KIAA0408: variants seen among roughly 807,000 people sequenced by gnomAD.
The protein encoded by KIAA0408 is uncharacterized protein KIAA0408.
A neutral mutation model predicts 60.9 loss-of-function variants in KIAA0408; 51 were observed. The observed-to-expected ratio is 0.84, with a 90% confidence interval of 0.67 to 1.06. The LOEUF (loss-of-function observed/expected upper bound fraction) is 1.06, where lower values mean the gene tolerates loss of function less well. Among genes scored for constraint, KIAA0408 ranks in the 50% least tolerant of loss-of-function variants. KIAA0408 has a pLI of 0.00. For missense variants in KIAA0408, 787 were observed against 833.9 expected, an observed-to-expected ratio of 0.94 and a Z score of 0.69; for synonymous variants, 304 against 282.4, an observed-to-expected ratio of 1.08 and a Z score of -0.77.
chr6:127,444,309 T>C (rs775048379), intron 5 of KIAA0408, 27 bp from the exon 6 acceptor site: 3 of 1,537,606 alleles, frequency 2.0e-6, no homozygotes, highest in Non-Finnish European at 2.6e-6. Context: ...AACATTCCTC[T>C]CACTCTCTGG....
In KIAA0408 at chr6:127,444,155, G is replaced by T; in HGVS notation, c.2039C>A (p.Thr680Asn). ...PSAPPALRRT[T>N]HNYTISLRSE... ...TCGCAGAGAAATGGTATAGTTGTGG[G>T]TAGTTCTCCGCAAGGCAGGGGGTGC... The change falls in exon 6 of 6, where the codon ACC becomes AAC. Residue 680 changes from threonine to asparagine, a missense_variant. Physicochemically the swap from Thr to Asn is moderately conservative, Grantham distance 65. Transcript: ENST00000483725. The T allele has an allele frequency of 6.2e-7, 1 of 1,614,044 alleles. No individual in the cohort carries two copies. Among genetic ancestry groups the T allele is most frequent in the Non-Finnish European group, 8.5e-7 (1 of 1,179,974 alleles).
Position 127,446,990 on chromosome 6 carries a change from A to G in KIAA0408, c.1329T>C (p.Asp443=). The part of the protein sequence containing the change: ...TRNEKLAAKT[D]EFNRTVFRTD... The stretch of plus-strand genomic sequence containing the variant: ...TTCTAAATACAGTTCTGTTAAATTC[A>G]TCAGTCTTTGCTGCCAGCTTCTCAT... Residue 443 remains aspartate (D), a synonymous_variant, in exon 5 of 6, where the codon GAT becomes GAC. Transcript: ENST00000483725. 3 of 1,613,908 alleles carry G rather than the reference A, an allele frequency of 1.9e-6. No individual in the cohort carries two copies. Among genetic ancestry groups the G allele is most frequent in the Non-Finnish European group, 2.5e-6 (3 of 1,179,972 alleles).
At position 127,446,912 on chromosome 6, in the gene KIAA0408, C is replaced by T. The variant is rs748560373; in HGVS notation, c.1407G>A (p.Ser469=). The T allele has an allele frequency of 1.5e-5, 24 of 1,613,872 alleles. No individual in the cohort carries two copies. The highest frequency in any genetic ancestry group is 3.3e-5 in the Admixed American group (2 of 59,978). The stretch of plus-strand genomic sequence containing the variant: ...AGGTATCACAGGGCTTGAGATCCTC[C>T]GATGATTTTGAGCAGCTGTGATTTT... ...IQQNHSCSKS[S]EDLKPCDTSS... Residue 469 remains serine, a synonymous_variant, in exon 5 of 6, where the codon TCG becomes TCA. Coordinates refer to ENST00000483725, the MANE Select transcript of KIAA0408 (RefSeq NM_014702.5).
intron 1 of KIAA0408, among the ~76,000 whole-genome samples, chr6:127,454,592 C>T (rs1773358398): frequency 6.6e-6 from 1 of 152,070 alleles, no homozygotes; most frequent in Non-Finnish European, 1.5e-5. Context: ...TGCCAAATGT[C>T]ATTACTGTGT....
intron 4 of KIAA0408, among the ~76,000 whole-genome samples, chr6:127,448,303 G>A (rs539261502): frequency 6.2e-4 from 95 of 152,126 alleles, no homozygotes; most frequent in Non-Finnish European, 1.2e-3. Flanking sequence ...AGGCATATAG[G>A]ATTGAAGTAA....
At position 127,449,865 on chromosome 6, in the gene KIAA0408, A is replaced by G; in HGVS notation, c.535T>C (p.Cys179Arg). 1 of 1,614,096 alleles carries G rather than the reference A, an allele frequency of 6.2e-7. No homozygotes were observed. Among genetic ancestry groups the G allele is most frequent in the African/African-American group, 1.3e-5 (1 of 75,054 alleles). Reference protein sequence around the residue: ...EELAKVSEELCSFQEEIRKRS... With the variant: ...EELAKVSEELRSFQEEIRKRS... Reference sequence around the variant, plus strand: ...TTTCGAATTTCCTCTTGAAAGCTGCATAATTCTTCACTCACCTTCGCAAGT... The same window carrying G: ...TTTCGAATTTCCTCTTGAAAGCTGCGTAATTCTTCACTCACCTTCGCAAGT... The change falls in exon 4 of 6, where the codon TGC becomes CGC. Residue 179 changes from cysteine to arginine, a missense_variant. Physicochemically the swap from Cys to Arg is radical, Grantham distance 180. Around this residue, in one of 3 missense-constraint regions of KIAA0408, gnomAD observed 640 missense variants for 681.3 expected, o/e 0.94. Transcript: ENST00000483725.
At chr6:127,454,184 T>TA in intron 1 of KIAA0408, 83 bp from the exon 2 acceptor site, 1 of 1,221,038 alleles carries the variant, frequency 8.2e-7, no homozygotes, top group Non-Finnish European at 1.0e-6. Flanking sequence ...GCCATTGACA[T>TA]AAACAAACTA....
At position 127,447,203 on chromosome 6, in the gene KIAA0408, G is replaced by T; in HGVS notation, c.1116C>A (p.Ser372Arg). 6.2e-7 allele frequency: 1 copy of T among 1,612,106 alleles called. No individual in the cohort carries two copies. Among genetic ancestry groups the T allele is most frequent in the Non-Finnish European group, 8.5e-7 (1 of 1,179,328 alleles). Residue 372 changes from serine (S) to arginine (R), a missense_variant, in exon 5 of 6, where the codon AGC (serine) becomes AGA (arginine). Physicochemically the swap from Ser to Arg is moderately radical, Grantham distance 110. Transcript: ENST00000483725. ...TTTTCTGAAACCACGAAGTAGAGGG[G>T]CTCCTTTTTGCACCTATCCCAATGT... is the stretch of plus-strand genomic sequence containing the variant. ...SCDIGIGAKR[S>R]PSTSWFQKTC...
rs762971806 is a variant in KIAA0408 at position 127,446,958 on chromosome 6, C to A, written c.1361G>T (p.Arg454Ile). ...EFNRTVFRTD[R>I]NCQAIQQNHS... is the part of the protein sequence containing the mutation. ...ATTTTGCTGTATTGCCTGACAATTT[C>A]TATCTGTTCTAAATACAGTTCTGTT... The change falls in exon 5 of 6, where the codon AGA becomes ATA. Residue 454 changes from arginine (R) to isoleucine (I), a missense_variant. By Grantham distance (97) the Arg-to-Ile change is moderately conservative (BLOSUM62 -3). Around this residue, in one of 3 missense-constraint regions of KIAA0408, gnomAD observed 640 missense variants for 681.3 expected, o/e 0.94. Coordinates refer to ENST00000483725, the MANE Select transcript of KIAA0408 (RefSeq NM_014702.5). 1 of 1,614,076 alleles carries A rather than the reference C, an allele frequency of 6.2e-7. No homozygotes were observed. The highest frequency in any genetic ancestry group is 8.5e-7 in the Non-Finnish European group (1 of 1,179,996).
At chr6:127,453,376 AT>A (rs1429795913) in intron 2 of KIAA0408, among the ~76,000 whole-genome samples, 1 of 152,020 alleles carries the variant, frequency 6.6e-6, no homozygotes, top group Non-Finnish European at 1.5e-5. Flanking sequence ...TGTTTGATAT[AT>A]GATACTCCTT....
In KIAA0408 at chr6:127,443,088, C is replaced by T. The variant is rs1036617708; in HGVS notation, c.*1021G>A. ...GTAAAAAAGTAACTTAGTTTGTTAT[C>T]TATTAATTTTAAGGAAAAGATTAGA... On this transcript the variant is annotated 3_prime_UTR_variant, in exon 6 of 6. Coordinates refer to ENST00000483725, the MANE Select transcript of KIAA0408 (RefSeq NM_014702.5). 6 of 151,768 alleles carry T rather than the reference C, an allele frequency of 4.0e-5. No individual in the cohort carries two copies. The highest frequency in any genetic ancestry group is 1.5e-4 in the African/African-American group (6 of 41,302). The allele number at this position is 151,768 out of a possible 1,614,324, so 9.4% of individuals were successfully genotyped here.
At position 127,446,410 on chromosome 6, in the gene KIAA0408, C is replaced by T; in HGVS notation, c.1909G>A (p.Glu637Lys). 6.2e-7 allele frequency: 1 copy of T among 1,604,286 alleles called. No individual in the cohort carries two copies. Among genetic ancestry groups the T allele is most frequent in the African/African-American group, 1.3e-5 (1 of 74,810 alleles). Residue 637 changes from glutamate to lysine, a missense_variant and splice_region_variant, in exon 5 of 6, where the codon GAG becomes AAG. Around this residue, in one of 3 missense-constraint regions of KIAA0408, gnomAD observed 133 missense variants for 119.2 expected, o/e 1.12. Coordinates refer to ENST00000483725, the MANE Select transcript of KIAA0408 (RefSeq NM_014702.5). Reference sequence around the variant, plus strand: ...TTATGTTATATTTGCTTTCTCACCTCTGTTATCTTTTTCGGATCTATTCCT... The same window carrying T: ...TTATGTTATATTTGCTTTCTCACCTTTGTTATCTTTTTCGGATCTATTCCT... ...KQGIDPKKIT[E>K]ESMSVNASHG...
Position 127,444,361 on chromosome 6 carries a change from A to T in KIAA0408, c.1912-79T>A, listed in dbSNP as rs1773153148. On this transcript the variant is annotated intron_variant, in intron 5 of 5. Coordinates refer to ENST00000483725, the MANE Select transcript of KIAA0408 (RefSeq NM_014702.5). ...TAATATATGATGGGTCTCAACTATA[A>T]GATTAGTCCGTTAGTAAATTTACAA... 3.7e-6 allele frequency: 4 copies of T among 1,079,770 alleles called. No homozygotes were observed. The South Asian group carries it at 8.5e-5, about 23-fold the overall frequency. 66.9% of individuals were successfully genotyped at this position (1,079,770 alleles called of 1,614,324 possible). A position where few individuals can be genotyped will look rare whatever the true frequency, so the allele number is the denominator to read the frequency against.
chr6:127,447,530 T>G lies in KIAA0408; in HGVS notation c.789A>C (p.Glu263Asp). Residue 263 changes from glutamate (E) to aspartate (D), a missense_variant, in exon 5 of 6, where the codon GAA becomes GAC. Coordinates refer to ENST00000483725, the MANE Select transcript of KIAA0408 (RefSeq NM_014702.5). ...TTCTTGGAGGAGGAACTGGTGGAGT[T>G]TCATTTCTTTTTAAATCGATTGTAT... ...GIDTIDLKRN[E>D]TPPVPPPRST... is the part of the protein sequence containing the mutation. 6.2e-7 allele frequency: 1 copy of G among 1,610,930 alleles called. No individual in the cohort carries two copies. The highest frequency in any genetic ancestry group is 1.1e-5 in the South Asian group (1 of 90,308).
In KIAA0408 at chr6:127,449,826, T is replaced by G. The variant is rs200957166; in HGVS notation, c.574A>C (p.Arg192=). 4.3e-6 allele frequency: 7 copies of G among 1,614,028 alleles called. No individual in the cohort carries two copies. The East Asian group carries it at 1.6e-4, about 36-fold the overall frequency. The change falls in exon 4 of 6, where the codon AGA becomes CGA. Residue 192 remains arginine, a synonymous_variant. Coordinates refer to ENST00000483725, the MANE Select transcript of KIAA0408 (RefSeq NM_014702.5). The stretch of plus-strand genomic sequence containing the variant: ...TAATCAGATGTACCAGCCTACCTTC[T>G]ATGGTTAGACCGCTTTCGAATTTCC... ...QEEIRKRSNH[R]RMKSDSFLQE...
rs79339979 is a variant in KIAA0408 at position 127,446,794 on chromosome 6, G to T, written c.1525C>A (p.Pro509Thr). 2,208 of 1,613,946 alleles carry T rather than the reference G, an allele frequency of 1.4e-3. 27 individuals are homozygous for T. In the African/African-American group the frequency reaches 0.026, roughly 19 times the overall value. Reference sequence around the variant, plus strand: ...GTGGATTTCTTGGTGGGATTATCAGGCACATTTTCCATGGGCACAGGCATG... The same window carrying T: ...GTGGATTTCTTGGTGGGATTATCAGTCACATTTTCCATGGGCACAGGCATG... The part of the protein sequence containing the change: ...AHMPVPMENV[P>T]DNPTKKSTTG... Residue 509 changes from proline (P) to threonine (T), a missense_variant, in exon 5 of 6, where the codon CCT becomes ACT. By Grantham distance (38) the Pro-to-Thr change is conservative (BLOSUM62 -1). Around this residue, in one of 3 missense-constraint regions of KIAA0408, gnomAD observed 640 missense variants for 681.3 expected, o/e 0.94. Transcript: ENST00000483725.
At chr6:127,451,228 C>T (rs1440447468) in intron 2 of KIAA0408, 34 of 447,922 alleles carry the variant, frequency 7.6e-5, no homozygotes, top group Non-Finnish European at 1.3e-4. Flanking sequence ...TCAATATCTA[C>T]ACTACATGTA....
intron 2 of KIAA0408, 193 bp from the exon 3 acceptor site, chr6:127,450,545 G>A: frequency 1.2e-6 from 1 of 831,834 alleles, no homozygotes; most frequent in Non-Finnish European, 1.7e-6. Context: ...AAACATAAAG[G>A]CTACTTTTAG....
chr6:127,446,034 TA>T (rs1773186468), intron 5 of KIAA0408, among the ~76,000 whole-genome samples: 1 of 152,152 alleles, frequency 6.6e-6, no homozygotes, highest in African/African-American at 2.4e-5. Flanking sequence ...AAAACGATTT[TA>T]AAAATATTTT....
Sources: gnomAD v4.1 joint callset for allele counts (sites outside exome capture counted in the v4.1 genomes callset) on GRCh38, gnomAD v4.1.1 for gene constraint, gnomAD v4.1.1 regional missense constraint, MANE v1.5 for transcripts, NCBI Gene and HGNC (gene_info 2026-07-23, HGNC 2026-07-21) for gene names.